The following GMDS variants were observed in gnomAD, a reference collection of about 807,000 sequenced individuals.
GMDS encodes GDP-mannose 4,6-dehydratase.
Under a neutral mutation model 49.9 loss-of-function variants are expected in GMDS, and 20 were observed. That is an observed-to-expected ratio of 0.40 (90% CI 0.28 to 0.58). The LOEUF (loss-of-function observed/expected upper bound fraction) is 0.58, where lower values mean the gene tolerates loss of function less well. Ranked by LOEUF, GMDS falls within the 20% of genes least tolerant of loss-of-function variation. The probability of loss-of-function intolerance (pLI) is 0.42; values close to 1 mark genes in which losing one functional copy is unlikely to be tolerated. For missense variants in GMDS, 362 were observed against 481.4 expected (o/e 0.75, Z 2.32); for synonymous variants, 177 against 178.6 (o/e 0.99, Z 0.07).
intron 7 of GMDS, among the ~76,000 whole-genome samples, chr6:1,844,088 G>A (rs574426453): frequency 1.3e-5 from 2 of 152,302 alleles, no homozygotes; most frequent in Admixed American, 1.3e-4. Context: ...TCATGTGCTG[G>A]CACTGTGTTA....
intron 7 of GMDS, among the ~76,000 whole-genome samples, chr6:1,812,294 C>A (rs938892628): frequency 1.3e-5 from 2 of 152,064 alleles, no homozygotes; most frequent in African/African-American, 4.8e-5. Context: ...TAAAGAAAGG[C>A]CCAGGACCCT....
chr6:2,179,678 T>C (rs756203669), intron 1 of GMDS, among the ~76,000 whole-genome samples: 25 of 152,228 alleles, frequency 1.6e-4, no homozygotes, highest in Non-Finnish European at 3.7e-4. Flanking sequence ...TATAAATTAC[T>C]CTGTAGTATT....
chr6:2,070,789 C>T (rs1175348793), intron 4 of GMDS, among the ~76,000 whole-genome samples: 1 of 152,166 alleles, frequency 6.6e-6, no homozygotes, highest in Non-Finnish European at 1.5e-5. Context: ...TTTTCCATTT[C>T]TGTTCCTTCT....
chr6:1,718,972 C>A (rs1196350209), intron 9 of GMDS, among the ~76,000 whole-genome samples: 1 of 151,914 alleles, frequency 6.6e-6, no homozygotes, highest in Non-Finnish European at 1.5e-5. Flanking sequence ...ATTGTTACAC[C>A]AGGTTTTCAT....
At chr6:2,098,600 C>T (rs1452739977) in intron 4 of GMDS, among the ~76,000 whole-genome samples, 1 of 152,146 alleles carries the variant, frequency 6.6e-6, no homozygotes, top group Non-Finnish European at 1.5e-5. Context: ...AAACCCTGCA[C>T]TGAACTGAAA....
rs1020528301 is a variant in GMDS, at chr6:1,711,590, C to T, written c.987+14826G>A. Among the ~76,000 whole-genome samples the T allele has an allele frequency of 3.9e-5, 6 of 152,212 alleles. No homozygotes were observed. In the South Asian group the frequency reaches 1.2e-3, roughly 31 times the overall value. On this transcript the variant is annotated intron_variant, in intron 9 of 10. Transcript: ENST00000380815. Reference sequence around the variant, plus strand: ...CTCATTTTGCCAGTTTGCACCAAATCTGTGTATTTGTGGCCTGTGATTTTG... The same window carrying T: ...CTCATTTTGCCAGTTTGCACCAAATTTGTGTATTTGTGGCCTGTGATTTTG...
intron 9 of GMDS, among the ~76,000 whole-genome samples, chr6:1,657,352 A>C (rs538785022): frequency 6.6e-6 from 1 of 152,352 alleles, no homozygotes; most frequent in South Asian, 2.1e-4. Flanking sequence ...GTGCTTATGC[A>C]CTTAGGCAGG....
intron 7 of GMDS, among the ~76,000 whole-genome samples, chr6:1,776,906 A>G (rs1379182417): frequency 2.0e-5 from 3 of 152,146 alleles, no homozygotes; most frequent in Admixed American, 2.0e-4. Context: ...AGATCTGCCA[A>G]GTCCTGGGGG....
chr6:1,637,625 C>T (rs1183272610), intron 9 of GMDS, among the ~76,000 whole-genome samples: 2 of 152,226 alleles, frequency 1.3e-5, no homozygotes, highest in Non-Finnish European at 2.9e-5. Flanking sequence ...CGCACCAGCA[C>T]AGATCATAAC....
chr6:2,243,628 T>C (rs1430657602), intron 1 of GMDS, among the ~76,000 whole-genome samples: 1 of 152,122 alleles, frequency 6.6e-6, no homozygotes, highest in Non-Finnish European at 1.5e-5. Context: ...TCTTACTGCC[T>C]CAATTCAAGG....
At chr6:2,193,032 C>T (rs1779115632) in intron 1 of GMDS, among the ~76,000 whole-genome samples, 1 of 152,150 alleles carries the variant, frequency 6.6e-6, no homozygotes, top group South Asian at 2.1e-4. Flanking sequence ...TCCCAGGATC[C>T]CTAAGGAGGG....
intron 7 of GMDS, among the ~76,000 whole-genome samples, chr6:1,916,051 G>C (rs1761372301): frequency 2.0e-5 from 3 of 152,256 alleles, no homozygotes; most frequent in African/African-American, 7.2e-5. Flanking sequence ...TGGAAGCTAA[G>C]CTGTACCTGA....
At chr6:1,785,244 A>C (rs1049934190) in intron 7 of GMDS, among the ~76,000 whole-genome samples, 1 of 152,204 alleles carries the variant, frequency 6.6e-6, no homozygotes, top group African/African-American at 2.4e-5. Flanking sequence ...ACAAAATAAA[A>C]ACGTGTTTTT....
chr6:1,702,206 C>T (rs1476214870), intron 9 of GMDS, among the ~76,000 whole-genome samples: 1 of 152,250 alleles, frequency 6.6e-6, no homozygotes, highest in Non-Finnish European at 1.5e-5. Context: ...CGTAAAGGTG[C>T]AGCTTAACTC....
chr6:2,131,384 C>T (rs958019744), intron 1 of GMDS, among the ~76,000 whole-genome samples: 2 of 152,128 alleles, frequency 1.3e-5, no homozygotes, highest in African/African-American at 4.8e-5. Flanking sequence ...AAACAGCACA[C>T]ACACACACAG....
chr6:2,153,846 C>G (rs117884523), intron 1 of GMDS, among the ~76,000 whole-genome samples: 4 of 152,174 alleles, frequency 2.6e-5, no homozygotes, highest in Admixed American at 2.0e-4. Context: ...ACAAGAATGT[C>G]TATTCCAGCA....
intron 4 of GMDS, among the ~76,000 whole-genome samples, chr6:2,101,660 A>G (rs1382745195): frequency 6.6e-6 from 1 of 152,108 alleles, no homozygotes; most frequent in African/African-American, 2.4e-5. Flanking sequence ...TATCTAAAAT[A>G]AAGACACAAA....
chr6:1,833,326 T>C lies in GMDS; in HGVS notation c.772-90740A>G, dbSNP rs1561834894. Among the ~76,000 whole-genome samples the C allele has an allele frequency of 6.6e-6, 1 of 151,474 alleles. No homozygotes were observed. The highest frequency in any genetic ancestry group is 1.5e-5 in the Non-Finnish European group (1 of 67,886). On this transcript the variant is annotated intron_variant, in intron 7 of 10. Coordinates refer to ENST00000380815, the MANE Select transcript of GMDS (RefSeq NM_001500.4). This position sits in a 1 kb window ranked among gnomAD's most constrained non-coding sequence, Gnocchi z 4.4. ...CACTGGACACATCAAATGTCCTCCCTTCCTTCATATGGAAAGCTCATCTCG... is the reference window on the plus strand; with the variant it reads ...CACTGGACACATCAAATGTCCTCCCCTCCTTCATATGGAAAGCTCATCTCG...
chr6:1,667,054 T>C (rs918841495), intron 9 of GMDS, among the ~76,000 whole-genome samples: 25 of 152,186 alleles, frequency 1.6e-4, no homozygotes, highest in Admixed American at 1.4e-3. Context: ...CAGACACACA[T>C]GAGCCTAGAG....
Sources: allele counts gnomAD v4.1 joint callset (sites outside exome capture counted in the v4.1 genomes callset), GRCh38; gene constraint gnomAD v4.1.1; non-coding constraint Gnocchi (gnomAD v3.1); transcripts MANE v1.5; gene names NCBI Gene and HGNC (gene_info 2026-07-23, HGNC 2026-07-21).